CPXM2: variants seen among roughly 807,000 people sequenced by gnomAD.
CPXM2 encodes the protein inactive carboxypeptidase-like protein X2.
In CPXM2, 66 loss-of-function variants were observed where a neutral mutation model predicts 86.1. That is an observed-to-expected ratio of 0.77 (90% CI 0.63 to 0.94). The LOEUF (loss-of-function observed/expected upper bound fraction) is 0.94, where lower values mean the gene tolerates loss of function less well. Among genes scored for constraint, CPXM2 ranks in the 40% least tolerant of loss-of-function variants. The pLI, the probability that CPXM2 is intolerant of heterozygous loss-of-function variation, is 0.00. For missense variants in CPXM2, 948 were observed against 1,026.3 expected, an observed-to-expected ratio of 0.92 and a Z score of 1.04; for synonymous variants, 388 against 400.2, an observed-to-expected ratio of 0.97 and a Z score of 0.36.
chr10:123,930,339 T>C (rs1945657283), intron 2 of CPXM2, among the ~76,000 whole-genome samples: 1 of 152,234 alleles, frequency 6.6e-6, no homozygotes, highest in Non-Finnish European at 1.5e-5. Flanking sequence ...GAGGCAGAGG[T>C]GCTGTCCTCA....
At chr10:123,759,911 T>A (rs1410310610) in intron 11 of CPXM2, among the ~76,000 whole-genome samples, 5 of 151,886 alleles carry the variant, frequency 3.3e-5, no homozygotes. Flanking sequence ...CCCCATTAAC[T>A]AGTGCCTGGC....
Position 123,760,097 on chromosome 10 carries a change from C to G in CPXM2, c.1777+1775G>C, listed in dbSNP as rs116121293. Among the ~76,000 whole-genome samples the G allele has an allele frequency of 3.3e-3, 504 of 152,296 alleles. 5 individuals carry two copies. Among genetic ancestry groups the G allele is most frequent in the African/African-American group, 0.012 (487 of 41,570 alleles). ...AAAAGGCTCAAGCTACCGCATGGCT[C>G]TGCCGTGAAGTCCCAGAAATAATGG... On this transcript the variant is annotated intron_variant, in intron 11 of 13. Transcript: ENST00000241305.
chr10:123,780,328 T>C (rs1009072810), intron 6 of CPXM2, 73 bp from the exon 7 acceptor site: 19 of 997,198 alleles, frequency 1.9e-5, no homozygotes, highest in Admixed American at 1.2e-4. Context: ...TAGAGACACA[T>C]GGGGACTGCA....
chr10:123,762,080 C>T lies in CPXM2; in HGVS notation c.1569G>A (p.Val523=). The change falls in exon 11 of 14, where the codon GTG becomes GTA. Residue 523 remains valine (V), a synonymous_variant. Coordinates refer to ENST00000241305, the MANE Select transcript of CPXM2 (RefSeq NM_198148.3). ...GGNLQGGELV[V]AYPYDLVRSP... The stretch of plus-strand genomic sequence containing the variant: ...ACCGCACCAGGTCGTAGGGGTACGC[C>T]ACCACCAGCTCGCCGCCCTGCAGGT... The T allele has an allele frequency of 6.2e-7, 1 of 1,614,048 alleles. No homozygotes were observed. Among genetic ancestry groups the T allele is most frequent in the Non-Finnish European group, 8.5e-7 (1 of 1,179,974 alleles).
At chr10:123,805,233 C>T (rs1216955231) in intron 4 of CPXM2, among the ~76,000 whole-genome samples, 1 of 151,816 alleles carries the variant, frequency 6.6e-6, no homozygotes, top group African/African-American at 2.4e-5. Flanking sequence ...TTTAAAATGA[C>T]TTATGTCCTT....
chr10:123,748,443 T>C (rs1846009964), intron 13 of CPXM2, among the ~76,000 whole-genome samples: 1 of 152,184 alleles, frequency 6.6e-6, no homozygotes, highest in African/African-American at 2.4e-5. Flanking sequence ...AAGCATCATG[T>C]TGAAATCATG....
intron 2 of CPXM2, among the ~76,000 whole-genome samples, chr10:123,938,453 T>C (rs1309870934): frequency 6.6e-6 from 1 of 152,194 alleles, no homozygotes; most frequent in African/African-American, 2.4e-5. Context: ...GCATGTCTGT[T>C]CCCTAAGAGA....
At chr10:123,816,903 G>A (rs533190701) in intron 4 of CPXM2, among the ~76,000 whole-genome samples, 2 of 152,316 alleles carry the variant, frequency 1.3e-5, no homozygotes, top group East Asian at 3.9e-4. Flanking sequence ...TGAGCAAGAC[G>A]TAGCAAACAC....
At chr10:123,933,454 C>T (rs1184632002) in intron 2 of CPXM2, among the ~76,000 whole-genome samples, 2 of 152,196 alleles carry the variant, frequency 1.3e-5, no homozygotes, top group Non-Finnish European at 2.9e-5. Flanking sequence ...TGCAGTTGCT[C>T]ACGCCTATAA....
intron 6 of CPXM2, among the ~76,000 whole-genome samples, chr10:123,781,640 G>A (rs1303159718): frequency 2.0e-5 from 3 of 152,194 alleles, no homozygotes; most frequent in East Asian, 3.8e-4. Context: ...GTAGGGGGCC[G>A]AACACTCTGT....
chr10:123,923,559 C>G (rs1476982882), intron 2 of CPXM2, among the ~76,000 whole-genome samples: 2 of 148,984 alleles, frequency 1.3e-5, no homozygotes, highest in South Asian at 2.1e-4. Context: ...CCAGCCTGGG[C>G]GACAGAGCGA....
chr10:123,805,994 T>C (rs1331124892), intron 4 of CPXM2, among the ~76,000 whole-genome samples: 1 of 152,218 alleles, frequency 6.6e-6, no homozygotes, highest in African/African-American at 2.4e-5. Context: ...CCATATGTAT[T>C]TTAAATTTTA....
chr10:123,782,955 G>T (rs1846968691), intron 6 of CPXM2, among the ~76,000 whole-genome samples: 1 of 152,240 alleles, frequency 6.6e-6, no homozygotes, highest in Non-Finnish European at 1.5e-5. Flanking sequence ...TGACAAGAGT[G>T]ACCTCTGGTA....
chr10:123,780,247 T>C lies in CPXM2; in HGVS notation c.898A>G (p.Asn300Asp), dbSNP rs1312299629. 1.9e-6 allele frequency: 3 copies of C among 1,596,614 alleles called. No homozygotes were observed. Among genetic ancestry groups the C allele is most frequent in the Non-Finnish European group, 2.6e-6 (3 of 1,164,112 alleles). Residue 300 changes from asparagine to aspartate, a missense_variant, in exon 7 of 14, where the codon AAT becomes GAT. Physicochemically the swap from Asn to Asp is conservative, Grantham distance 23. Coordinates refer to ENST00000241305, the MANE Select transcript of CPXM2 (RefSeq NM_198148.3). ...ATCTCGTTCCGGCGGTGATAATAAT[T>C]ATTAGGATCTAGGGACAGAAACATG... ...ILGCPLPDPN[N>D]YYHRRNEMTT...
At chr10:123,927,437 G>A (rs917123808) in intron 2 of CPXM2, among the ~76,000 whole-genome samples, 13 of 152,194 alleles carry the variant, frequency 8.5e-5, no homozygotes, top group African/African-American at 2.9e-4. Flanking sequence ...TCTCATGCCA[G>A]GCACTATCCT....
At chr10:123,762,260 C>G in intron 10 of CPXM2, 91 bp from the exon 11 acceptor site, 4 of 1,550,452 alleles carry the variant, frequency 2.6e-6, no homozygotes, top group Non-Finnish European at 3.5e-6. Context: ...AAAAGCAGTG[C>G]TTTTGTGGAA....
intron 2 of CPXM2, among the ~76,000 whole-genome samples, chr10:123,876,452 T>C (rs1914536): frequency 0.71 from 108,212 of 152,008 alleles, 40,280 homozygotes; most frequent in African/African-American, 0.9. Flanking sequence ...GAAAGAAGCA[T>C]GGGAAACTAA....
chr10:123,798,064 C>T lies in CPXM2; in HGVS notation c.801G>A (p.Val267=), dbSNP rs1246550080. 6.2e-7 allele frequency: 1 copy of T among 1,612,032 alleles called. No homozygotes were observed. Among genetic ancestry groups the T allele is most frequent in the Middle Eastern group, 1.6e-4 (1 of 6,062 alleles). The change falls in exon 6 of 14, where the codon GTG becomes GTA. Residue 267 remains valine, a synonymous_variant. Transcript: ENST00000241305. ...PVLNELPVPM[V]ARYIRINPQS... ...GAGGGTTTATGCGGATGTAGCGGGC[C>T]ACCATGGGGACGGGTAGCTCATTGA...
At chr10:123,864,611 G>A (rs1349066169) in intron 2 of CPXM2, among the ~76,000 whole-genome samples, 2 of 152,134 alleles carry the variant, frequency 1.3e-5, no homozygotes, top group African/African-American at 4.8e-5. Context: ...AAATTCCATG[G>A]ACTTCCTTCA....
Sources: gnomAD v4.1 joint callset for allele counts (sites outside exome capture counted in the v4.1 genomes callset) on GRCh38, gnomAD v4.1.1 for gene constraint, MANE v1.5 for transcripts, NCBI Gene and HGNC (gene_info 2026-07-23, HGNC 2026-07-21) for gene names.